The following MAZ variants were observed in gnomAD, a reference collection of about 807,000 sequenced individuals.
MAZ encodes MYC associated zinc finger protein, also known as myc-associated zinc finger protein.
MAZ carries 4 observed loss-of-function variants against 32.7 expected under a neutral mutation model. That is an observed-to-expected ratio of 0.12 (90% CI 0.06 to 0.28). The LOEUF (loss-of-function observed/expected upper bound fraction) is 0.28. Among genes scored for constraint, MAZ ranks in the 10% least tolerant of loss-of-function variants. The pLI, the probability that MAZ is intolerant of heterozygous loss-of-function variation, is 1.00. For synonymous variants in MAZ, 510 were observed against 297.6 expected, an observed-to-expected ratio of 1.71 and a Z score of -7.35; for missense variants, 763 against 667.2, an observed-to-expected ratio of 1.14 and a Z score of -1.58.
intron 3 of MAZ, 74 bp downstream of exon 3, chr16:29,808,367 C>A: frequency 1.4e-6 from 2 of 1,442,376 alleles, no homozygotes; most frequent in Non-Finnish European, 9.8e-7. Flanking sequence ...GTCAGTCTCT[C>A]AGACCCCCTT....
intron 4 of MAZ, chr16:29,809,372 G>A (rs1899771164): frequency 1.7e-6 from 1 of 604,520 alleles, no homozygotes; most frequent in Admixed American, 3.0e-5. Flanking sequence ...CTCAGGGAGG[G>A]GCTGTGTCTA....
At chr16:29,806,505 G>A, upstream of MAZ, 1 of 428,366 alleles carries the variant, frequency 2.3e-6, no homozygotes, top group Non-Finnish European at 3.0e-6. Flanking sequence ...CGTCGCCGCG[G>A]CGCTCCGCGG....
At position 29,806,584 on chromosome 16, in the gene MAZ, C is replaced by A; in HGVS notation, c.-118C>A. The A allele has an allele frequency of 2.1e-6, 2 of 962,644 alleles. No individual in the cohort carries two copies. Among genetic ancestry groups the A allele is most frequent in the Non-Finnish European group, 2.5e-6 (2 of 815,248 alleles). 59.6% of individuals were successfully genotyped at this position (962,644 alleles called of 1,614,324 possible). A position where few individuals can be genotyped will look rare whatever the true frequency, so the allele number is the denominator to read the frequency against. On this transcript the variant is annotated 5_prime_UTR_variant, in exon 1 of 5. Coordinates refer to ENST00000322945, the MANE Select transcript of MAZ (RefSeq NM_002383.4). ...CGCGGGCGGCGGGGCGGCCCGCGGG[C>A]CATGCGTTCGGCGCGGCCCAGCCCG...
At chr16:29,808,166 G>A (rs1303895968) in intron 2 of MAZ, 64 bp from the exon 3 acceptor site, 14 of 1,405,080 alleles carry the variant, frequency 1.0e-5, no homozygotes, top group Non-Finnish European at 1.3e-5. Flanking sequence ...AAGGCCTGTG[G>A]TGCGGTTTGG....
Position 29,807,035 on chromosome 16 carries a change from G to A in MAZ, c.250G>A (p.Asp84Asn). 1 of 1,013,434 alleles carries A rather than the reference G, an allele frequency of 9.9e-7. No individual in the cohort carries two copies. Among genetic ancestry groups the A allele is most frequent in the Non-Finnish European group, 1.2e-6 (1 of 852,344 alleles). 62.8% of individuals were successfully genotyped at this position (1,013,434 alleles called of 1,614,324 possible). Residue 84 changes from aspartate to asparagine, a missense_variant, in exon 2 of 5, where the codon GAC becomes AAC. By Grantham distance (23) the Asp-to-Asn change is conservative (BLOSUM62 1). Coordinates refer to ENST00000322945, the MANE Select transcript of MAZ (RefSeq NM_002383.4). ...QAPAAEPLQV[D>N]LLPVLAAAQE... ...CCCGGCGGCCGAGCCCCTCCAGGTG[G>A]ACTTGCTCCCGGTGCTCGCCGCCGC... is the stretch of plus-strand genomic sequence containing the variant.
In MAZ at chr16:29,810,585, A is replaced by G. The variant is rs1309267107; in HGVS notation, c.*354A>G. 1.5e-6 allele frequency: 1 copy of G among 684,538 alleles called. No individual in the cohort carries two copies. Among genetic ancestry groups the G allele is most frequent in the South Asian group, 1.5e-5 (1 of 66,316 alleles). The allele number at this position is 684,538 out of a possible 1,614,324, so 42.4% of individuals were successfully genotyped here. A position where few individuals can be genotyped will look rare whatever the true frequency, so the allele number is the denominator to read the frequency against. ...AGGGACTTGTGAGCCTCTTCCCTCG[A>G]CGGTCCTCTTCTCTCCTTCCAGTCC... On this transcript the variant is annotated 3_prime_UTR_variant, in exon 5 of 5. Coordinates refer to ENST00000322945, the MANE Select transcript of MAZ (RefSeq NM_002383.4).
rs1354459438 is a variant in MAZ at position 29,810,493 on chromosome 16, G to A, written c.*262G>A. 1 of 702,540 alleles carries A rather than the reference G, an allele frequency of 1.4e-6. No homozygotes were observed. The highest frequency in any genetic ancestry group is 2.6e-6 in the Non-Finnish European group (1 of 385,428). The allele number at this position is 702,540 out of a possible 1,614,324, so 43.5% of individuals were successfully genotyped here. A position where few individuals can be genotyped will look rare whatever the true frequency, so the allele number is the denominator to read the frequency against. The stretch of plus-strand genomic sequence containing the variant: ...GTCCCCTGGACAGTGGGCAGGGGTG[G>A]CAGAGGACACGAGCAGCCACTGCCC... On this transcript the variant is annotated 3_prime_UTR_variant, in exon 5 of 5. Coordinates refer to ENST00000322945, the MANE Select transcript of MAZ (RefSeq NM_002383.4).
rs1326863400 is a variant in MAZ, at chr16:29,810,801, G to C, written c.*570G>C. 8.5e-6 allele frequency: 3 copies of C among 351,096 alleles called. No individual in the cohort carries two copies. The Admixed American group carries it at 1.2e-4, about 14-fold the overall frequency. 21.7% of individuals were successfully genotyped at this position (351,096 alleles called of 1,614,324 possible). On this transcript the variant is annotated 3_prime_UTR_variant, in exon 5 of 5. Transcript: ENST00000322945. ...GTACCTTCATAAGGTGGTATGGGGGGTTGGGGTCAGGCCCTGAACATCGTC... is the reference window on the plus strand; with the variant it reads ...GTACCTTCATAAGGTGGTATGGGGGCTTGGGGTCAGGCCCTGAACATCGTC...
At chr16:29,809,920 T>G in intron 4 of MAZ, 157 bp from the exon 5 acceptor site, 1 of 1,277,914 alleles carries the variant, frequency 7.8e-7, no homozygotes, top group South Asian at 1.4e-5. Flanking sequence ...TGAGAACTGC[T>G]CTGTCTGGGT....
intron 4 of MAZ, chr16:29,809,541 C>G (rs1257242474): frequency 1.2e-6 from 2 of 1,607,398 alleles, no homozygotes; most frequent in African/African-American, 2.7e-5. Context: ...CCCCAATAGG[C>G]TTCACCACGG....
intron 4 of MAZ, chr16:29,809,456 G>C: frequency 1.2e-6 from 1 of 852,786 alleles, no homozygotes; most frequent in South Asian, 1.4e-5. Context: ...TCTGAGGAGG[G>C]CATCCCCCGC....
In MAZ at chr16:29,810,681, G is replaced by A. The variant is rs1189258693; in HGVS notation, c.*450G>A. The stretch of plus-strand genomic sequence containing the variant: ...CTTTTCCTTTTTTTTTTTTTTCCAG[G>A]GGGAGGGAGGAGAGGAAGGAGGGGG... On this transcript the variant is annotated 3_prime_UTR_variant, in exon 5 of 5. Transcript: ENST00000322945. 2.1e-6 allele frequency: 1 copy of A among 486,948 alleles called. No individual in the cohort carries two copies. Among genetic ancestry groups the A allele is most frequent in the African/African-American group, 2.0e-5 (1 of 51,020 alleles). The allele number at this position is 486,948 out of a possible 1,614,324, so 30.2% of individuals were successfully genotyped here.
intron 4 of MAZ, 169 bp from the exon 5 acceptor site, chr16:29,809,908 C>G (rs1191650295): frequency 8.2e-7 from 1 of 1,222,512 alleles, no homozygotes; most frequent in Non-Finnish European, 1.1e-6. Flanking sequence ...AGGGAGGATC[C>G]TTGAGAACTG....
rs775230937 is a variant in MAZ, at chr16:29,807,362, G to A, written c.577G>A (p.Ala193Thr). 8 of 1,612,240 alleles carry A rather than the reference G, an allele frequency of 5.0e-6. No homozygotes were observed. Among genetic ancestry groups the A allele is most frequent in the Admixed American group, 1.7e-5 (1 of 59,994 alleles). ...KTKSKGPYIC[A>T]LCAKEFKNGY... ...AAAGAGCAAGGGGCCCTACATCTGCGCTCTGTGCGCCAAGGAGTTCAAGAA... is the reference window on the plus strand; with the variant it reads ...AAAGAGCAAGGGGCCCTACATCTGCACTCTGTGCGCCAAGGAGTTCAAGAA... The change falls in exon 2 of 5, where the codon GCT becomes ACT. Residue 193 changes from alanine (A) to threonine (T), a missense_variant. Physicochemically the swap from Ala to Thr is moderately conservative, Grantham distance 58. Coordinates refer to ENST00000322945, the MANE Select transcript of MAZ (RefSeq NM_002383.4).
Position 29,807,403 on chromosome 16 carries a change from G to A in MAZ, c.618G>A (p.Arg206=), listed in dbSNP as rs1425217750. 2 of 1,612,422 alleles carry A rather than the reference G, an allele frequency of 1.2e-6. No homozygotes were observed. The highest frequency in any genetic ancestry group is 8.5e-7 in the Non-Finnish European group (1 of 1,179,762). ...AGTTCAAGAACGGCTACAATCTCCG[G>A]AGGCACGAAGCCATCCACACGGGAG... ...AKEFKNGYNL[R]RHEAIHTGAK... The change falls in exon 2 of 5, where the codon CGG becomes CGA. Residue 206 remains arginine (R), a synonymous_variant. Transcript: ENST00000322945.
rs576922600 is a variant in MAZ at position 29,806,663 on chromosome 16, C to T, written c.-39C>T. 12 of 1,016,778 alleles carry T rather than the reference C, an allele frequency of 1.2e-5. No individual in the cohort carries two copies. In the Admixed American group the frequency reaches 3.0e-4, roughly 25 times the overall value. The allele number at this position is 1,016,778 out of a possible 1,614,324, so 63.0% of individuals were successfully genotyped here. A position where few individuals can be genotyped will look rare whatever the true frequency, so the allele number is the denominator to read the frequency against. ...GGCCCCGCGCGGCCCGCGCCCCCGGCCCCCGCTGAGCCCCGGGGGCCCCGC... is the reference window on the plus strand; with the variant it reads ...GGCCCCGCGCGGCCCGCGCCCCCGGTCCCCGCTGAGCCCCGGGGGCCCCGC... On this transcript the variant is annotated 5_prime_UTR_variant, in exon 1 of 5. Coordinates refer to ENST00000322945, the MANE Select transcript of MAZ (RefSeq NM_002383.4).
At chr16:29,808,001 C>T (rs908202364) in intron 2 of MAZ, 173 bp downstream of exon 2, 17 of 1,289,984 alleles carry the variant, frequency 1.3e-5, no homozygotes, top group East Asian at 1.3e-4. Flanking sequence ...AGGGGTGGTC[C>T]TTTGTCGAGG....
At chr16:29,809,144 A>G in intron 4 of MAZ, 1 of 492,734 alleles carries the variant, frequency 2.0e-6, no homozygotes, top group Non-Finnish European at 3.6e-6. Flanking sequence ...CTGCACGGGT[A>G]GCAGAGAAAG....
rs1293927758 is a variant in MAZ, at chr16:29,808,079, G to A, written c.1044-151G>A. ...CGGCGGCGGCGGCAGCGGCTGCTGG[G>A]CTCCAGGGGAGGGATTTCCTGCTTA... On this transcript the variant is annotated intron_variant, in intron 2 of 4. Coordinates refer to ENST00000322945, the MANE Select transcript of MAZ (RefSeq NM_002383.4). 5 of 970,346 alleles carry A rather than the reference G, an allele frequency of 5.2e-6. No individual in the cohort carries two copies. The East Asian group carries it at 1.3e-4, about 25-fold the overall frequency. The allele number at this position is 970,346 out of a possible 1,614,324, so 60.1% of individuals were successfully genotyped here. A position where few individuals can be genotyped will look rare whatever the true frequency, so the allele number is the denominator to read the frequency against.
Sources: gnomAD v4.1 joint callset for allele counts on GRCh38, gnomAD v4.1.1 for gene constraint, MANE v1.5 for transcripts, NCBI Gene and HGNC (gene_info 2026-07-23, HGNC 2026-07-21) for gene names.